NRXN1: variants seen among roughly 807,000 people sequenced by gnomAD.
NRXN1 encodes neurexin-1.
In NRXN1, 39 loss-of-function variants were observed where a neutral mutation model predicts 150.9. The observed-to-expected ratio is 0.26, with a 90% CI of 0.20 to 0.34. NRXN1 has a LOEUF of 0.34. NRXN1 is among the 10% of genes least tolerant of loss of function. NRXN1 has a pLI of 1.00. For missense variants in NRXN1, 1,815 were observed against 1,949.9 expected, an observed-to-expected ratio of 0.93 and a Z score of 1.30; for synonymous variants, 924 against 757.0, an observed-to-expected ratio of 1.22 and a Z score of -3.62.
intron 5 of NRXN1, among the ~76,000 whole-genome samples, chr2:50,856,902 A>C (rs574047702): frequency 4.6e-5 from 7 of 152,216 alleles, no homozygotes; most frequent in African/African-American, 1.7e-4. Flanking sequence ...AATAATTCCC[A>C]GATAACTAGC....
rs527640661 is a variant in NRXN1, at chr2:50,965,309, T to C, written c.773-39354A>G. Among the ~76,000 whole-genome samples, 46 of 151,474 alleles carry C rather than the reference T, an allele frequency of 3.0e-4. No individual in the cohort carries two copies. The South Asian group carries it at 8.3e-3, about 27-fold the overall frequency. On this transcript the variant is annotated intron_variant, in intron 2 of 22. Transcript: ENST00000401669. The stretch of plus-strand genomic sequence containing the variant: ...CATGGAGAGACATTACAATGCTCTA[T>C]GAATGGGGAGTATTAGCTCATTAAT...
At chr2:50,931,988 C>T (rs56028096) in intron 2 of NRXN1, among the ~76,000 whole-genome samples, 2 of 151,740 alleles carry the variant, frequency 1.3e-5, no homozygotes, top group African/African-American at 2.4e-5. Flanking sequence ...CAGCCTCCCA[C>T]GTAGCTGGGA....
At chr2:50,289,448 T>C (rs2072624920) in intron 17 of NRXN1, among the ~76,000 whole-genome samples, 1 of 152,110 alleles carries the variant, frequency 6.6e-6, no homozygotes, top group Non-Finnish European at 1.5e-5. Context: ...CACAGAAATA[T>C]CCACTTATTC....
intron 17 of NRXN1, among the ~76,000 whole-genome samples, chr2:50,293,624 C>G (rs919181388): frequency 6.6e-6 from 1 of 152,104 alleles, no homozygotes; most frequent in African/African-American, 2.4e-5. Flanking sequence ...AGACATGATA[C>G]ACTGGTATAA....
chr2:49,979,897 G>GGTT (rs1553447346), intron 21 of NRXN1, among the ~76,000 whole-genome samples: 1 of 103,616 alleles, frequency 9.7e-6, no homozygotes, highest in African/African-American at 3.5e-5. Flanking sequence ...GTCTTATATT[G>GGTT]TTTTTTTGGT....
intron 17 of NRXN1, among the ~76,000 whole-genome samples, chr2:50,417,802 A>C (rs987492275): frequency 6.6e-6 from 1 of 151,978 alleles, no homozygotes; most frequent in Non-Finnish European, 1.5e-5. Flanking sequence ...AAAAAGCAAC[A>C]AAGTCCAAAA....
intron 8 of NRXN1, among the ~76,000 whole-genome samples, chr2:50,614,733 CAAA>C (rs33968907): frequency 0.11 from 11,126 of 97,924 alleles, 360 homozygotes; most frequent in South Asian, 0.15. Context: ...ATCAGCCATT[CAAA>C]AAAAAAAAAA....
chr2:50,348,900 T>C (rs572024135), intron 17 of NRXN1, among the ~76,000 whole-genome samples: 3 of 152,234 alleles, frequency 2.0e-5, no homozygotes, highest in South Asian at 2.1e-4. Flanking sequence ...ACAGGAATGA[T>C]TTCTCACTAG....
At chr2:50,195,165 T>A (rs2061678270) in intron 18 of NRXN1, among the ~76,000 whole-genome samples, 1 of 152,174 alleles carries the variant, frequency 6.6e-6, no homozygotes, top group African/African-American at 2.4e-5. Context: ...ATAATTAAAA[T>A]CATTCTTATT....
At chr2:50,694,568 C>A (rs954000453) in intron 5 of NRXN1, among the ~76,000 whole-genome samples, 2 of 152,114 alleles carry the variant, frequency 1.3e-5, no homozygotes, top group African/African-American at 4.8e-5. Context: ...CTCAAGAAAA[C>A]TGATTTATCT....
chr2:50,107,539 A>ATATATATATATATATTT (rs59921941), intron 18 of NRXN1, among the ~76,000 whole-genome samples: 18 of 129,874 alleles, frequency 1.4e-4, no homozygotes, highest in East Asian at 1.4e-3. Context: ...ATATATATAT[A>ATATATATATATATATTT]TTTTTTTTTT....
chr2:50,412,321 A>T (rs1276421585), intron 17 of NRXN1, among the ~76,000 whole-genome samples: 1 of 103,232 alleles, frequency 9.7e-6, no homozygotes, highest in African/African-American at 6.4e-5. Context: ...ATACTAAAAA[A>T]ATAAATAAAA....
chr2:50,713,439 G>A lies in NRXN1; in HGVS notation c.833-89824C>T, dbSNP rs186802384. Among the ~76,000 whole-genome samples the A allele has an allele frequency of 3.6e-3, 546 of 152,078 alleles. 2 individuals are homozygous for A. The highest frequency in any genetic ancestry group is 0.01 in the Middle Eastern group (3 of 294). On this transcript the variant is annotated intron_variant, in intron 5 of 22. Coordinates refer to ENST00000401669, the MANE Select transcript of NRXN1 (RefSeq NM_001330078.2). The stretch of plus-strand genomic sequence containing the variant: ...AAGCCTTTTAACGATAACATTTTAC[G>A]AATTCAAAAGAGCCTAGATCTGGCA...
chr2:50,598,705 T>TAC (rs1422654061), intron 8 of NRXN1, among the ~76,000 whole-genome samples: 6 of 147,616 alleles, frequency 4.1e-5, no homozygotes, highest in African/African-American at 1.5e-4. Context: ...TATATATATA[T>TAC]ACATATATAT....
chr2:50,667,826 G>C (rs1688292073), intron 5 of NRXN1, among the ~76,000 whole-genome samples: 1 of 151,958 alleles, frequency 6.6e-6, no homozygotes, highest in Non-Finnish European at 1.5e-5. Context: ...AAAGTTCCCA[G>C]AGTTTTGGAG....
rs191111752 is a variant in NRXN1 at position 50,120,108 on chromosome 2, G to T, written c.3547-28614C>A. On this transcript the variant is annotated intron_variant, in intron 18 of 22. Transcript: ENST00000401669. ...CAATAATAAAAAGGCAAATTAAAAG[G>T]CAATTTAATATTATACTTGTAATTA... is the stretch of plus-strand genomic sequence containing the variant. Among the ~76,000 whole-genome samples the T allele has an allele frequency of 2.8e-3, 430 of 151,936 alleles. 2 individuals are homozygous for T. Among genetic ancestry groups the T allele is most frequent in the African/African-American group, 9.7e-3 (402 of 41,346 alleles).
chr2:50,667,666 T>G (rs904524683), intron 5 of NRXN1, among the ~76,000 whole-genome samples: 2 of 152,012 alleles, frequency 1.3e-5, no homozygotes, highest in Non-Finnish European at 2.9e-5. Context: ...CTAAGAAACG[T>G]TCTCTATTGT....
At chr2:50,500,356 A>T (rs79129699) in intron 13 of NRXN1, among the ~76,000 whole-genome samples, 1,554 of 152,312 alleles carry the variant, frequency 0.01, 15 homozygotes, top group African/African-American at 0.031. Flanking sequence ...ATAAAAAAAA[A>T]ATATAATTAC....
chr2:50,165,216 C>T lies in NRXN1; in HGVS notation c.3546+71573G>A, dbSNP rs187730728. Among the ~76,000 whole-genome samples, 7 of 152,310 alleles carry T rather than the reference C, an allele frequency of 4.6e-5. No homozygotes were observed. In the East Asian group the frequency reaches 1.4e-3, roughly 29 times the overall value. ...AAGAACGACAAGGTGGTCTAGATAA[C>T]AGTCATATTAACGGATCCTCATGGA... is the stretch of plus-strand genomic sequence containing the variant. On this transcript the variant is annotated intron_variant, in intron 18 of 22. Coordinates refer to ENST00000401669, the MANE Select transcript of NRXN1 (RefSeq NM_001330078.2).
Sources: gnomAD v4.1 joint callset for allele counts (sites outside exome capture counted in the v4.1 genomes callset) on GRCh38, gnomAD v4.1.1 for gene constraint, MANE v1.5 for transcripts, NCBI Gene and HGNC (gene_info 2026-07-23, HGNC 2026-07-21) for gene names.